Variants in BCAS3 observed in about 807,000 individuals in gnomAD.
BCAS3 encodes the protein BCAS3 microtubule associated cell migration factor.
Under a neutral mutation model 116.1 loss-of-function variants are expected in BCAS3, and 53 were observed. The observed-to-expected ratio is 0.46, with a 90% CI of 0.37 to 0.57. The LOEUF (loss-of-function observed/expected upper bound fraction) is 0.57. BCAS3 is among the 20% of genes least tolerant of loss of function. BCAS3 has a pLI of 0.00. For missense variants in BCAS3, 917 were observed against 1,165.4 expected, an observed-to-expected ratio of 0.79 and a Z score of 3.10; for synonymous variants, 391 against 408.2, an observed-to-expected ratio of 0.96 and a Z score of 0.51.
chr17:61,089,783 C>T (rs760681016), intron 22 of BCAS3, among the ~76,000 whole-genome samples: 16 of 151,824 alleles, frequency 1.1e-4, no homozygotes, highest in African/African-American at 3.1e-4. Flanking sequence ...CCACCCACCT[C>T]GGCCTCCCAA....
chr17:60,902,712 C>T lies in BCAS3; in HGVS notation c.822+9C>T, dbSNP rs376772947. 67 of 1,583,090 alleles carry T rather than the reference C, an allele frequency of 4.2e-5. No individual in the cohort carries two copies. Among genetic ancestry groups the T allele is most frequent in the Admixed American group, 1.2e-4 (7 of 59,860 alleles). ...TCATTAGTGCTGCTAAAGTGAGTAC[C>T]TCCGAAATCTTGGAGAGTTGTGGTT... On this transcript the variant is annotated intron_variant, in intron 11 of 23. Transcript: ENST00000407086.
intron 3 of BCAS3, among the ~76,000 whole-genome samples, chr17:60,685,487 TA>T (rs1568010955): frequency 6.6e-6 from 1 of 151,592 alleles, no homozygotes; most frequent in Non-Finnish European, 1.5e-5. Context: ...TAGTCTTTGA[TA>T]TTAGATCTGA....
In BCAS3 at chr17:60,994,566, T is replaced by A. The variant is rs2063723065; in HGVS notation, c.1486+4331T>A. 1.3e-5 allele frequency among the ~76,000 whole-genome samples: 2 copies of A among 152,216 alleles called. No individual in the cohort carries two copies. Among genetic ancestry groups the A allele is most frequent in the Admixed American group, 6.5e-5 (1 of 15,286 alleles). ...TAGCTATAAATATGATCTGCCAATTTTCTGCTTAAGATCTTTGTGTCTCAC... is the reference window on the plus strand; with the variant it reads ...TAGCTATAAATATGATCTGCCAATTATCTGCTTAAGATCTTTGTGTCTCAC... On this transcript the variant is annotated intron_variant, in intron 15 of 23. Coordinates refer to ENST00000407086, the MANE Select transcript of BCAS3 (RefSeq NM_017679.5). The surrounding 1 kb of genome is among the most constrained non-coding windows in gnomAD (Gnocchi z 4.4).
At chr17:60,989,091 A>G (rs2063359594) in intron 14 of BCAS3, among the ~76,000 whole-genome samples, 2 of 152,026 alleles carry the variant, frequency 1.3e-5, no homozygotes. Flanking sequence ...TCATTCACAA[A>G]TATCTTTATT....
At chr17:60,787,700 T>A (rs189586781) in intron 6 of BCAS3, among the ~76,000 whole-genome samples, 3 of 152,072 alleles carry the variant, frequency 2.0e-5, no homozygotes, top group African/African-American at 7.2e-5. Flanking sequence ...AGAGATACTT[T>A]AGTAAAGACC....
In BCAS3 at chr17:61,161,788, T is replaced by A. The variant is rs2378816; in HGVS notation, c.2425+77224T>A. ...TGAGTTGCTGTCTGGTTGGTTGAAC[T>A]CATTCTCCTCAGCTTATATTTAACT... On this transcript the variant is annotated intron_variant, in intron 22 of 23. Transcript: ENST00000407086. The surrounding 1 kb of genome is among the most constrained non-coding windows in gnomAD (Gnocchi z 4.8). 0.66 allele frequency among the ~76,000 whole-genome samples: 99,584 copies of A among 151,910 alleles called. 36,725 individuals are homozygous for A. The highest frequency in any genetic ancestry group is 0.89 in the South Asian group (4,298 of 4,816).
chr17:60,916,212 G>A (rs2058772056), intron 12 of BCAS3, among the ~76,000 whole-genome samples: 1 of 152,144 alleles, frequency 6.6e-6, no homozygotes, highest in African/African-American at 2.4e-5. Context: ...GAAAGGAAAT[G>A]TGCAACTATT....
chr17:61,184,592 C>G (rs1032472118), intron 22 of BCAS3, among the ~76,000 whole-genome samples: 8 of 152,104 alleles, frequency 5.3e-5, no homozygotes, highest in Admixed American at 2.0e-4. Flanking sequence ...CTAATCTAAT[C>G]ATTCTATTAA....
chr17:61,039,371 G>A (rs922414458), intron 18 of BCAS3, among the ~76,000 whole-genome samples: 20 of 151,974 alleles, frequency 1.3e-4, no homozygotes, highest in Non-Finnish European at 2.8e-4. Context: ...TACTTTTTAA[G>A]CTGTTATTAA....
intron 6 of BCAS3, among the ~76,000 whole-genome samples, chr17:60,787,592 G>A (rs1487562696): frequency 6.6e-6 from 1 of 152,098 alleles, no homozygotes; most frequent in Non-Finnish European, 1.5e-5. Context: ...TATATAATGT[G>A]CACAATATGA....
At chr17:60,829,865 T>A (rs1260804844) in intron 7 of BCAS3, among the ~76,000 whole-genome samples, 2 of 152,198 alleles carry the variant, frequency 1.3e-5, no homozygotes, top group African/African-American at 4.8e-5. Flanking sequence ...CTTATGAGAT[T>A]GCCTTAAATA....
At position 60,729,673 on chromosome 17, in the gene BCAS3, A is replaced by G. The variant is rs146072362; in HGVS notation, c.322-17525A>G. On this transcript the variant is annotated intron_variant, in intron 5 of 23. Coordinates refer to ENST00000407086, the MANE Select transcript of BCAS3 (RefSeq NM_017679.5). ...CTATCTTCTTTAATCAATGGGTTAA[A>G]TCAAGATAGGTTTACAATACCATTA... 9.0e-3 allele frequency among the ~76,000 whole-genome samples: 1,365 copies of G among 152,346 alleles called. 13 individuals are homozygous for G. Among genetic ancestry groups the G allele is most frequent in the Non-Finnish European group, 0.015 (1,025 of 68,036 alleles).
At position 61,140,752 on chromosome 17, in the gene BCAS3, T is replaced by C. The variant is rs1369110531; in HGVS notation, c.2425+56188T>C. On this transcript the variant is annotated intron_variant, in intron 22 of 23. Transcript: ENST00000407086. This position sits in a 1 kb window ranked among gnomAD's most constrained non-coding sequence, Gnocchi z 4.2. ...AATAAATATATATTTACATAGTTTA[T>C]AGTTGTTACATAAAACTTTCATGTT... Among the ~76,000 whole-genome samples, 1 of 152,244 alleles carries C rather than the reference T, an allele frequency of 6.6e-6. No individual in the cohort carries two copies. Among genetic ancestry groups the C allele is most frequent in the Admixed American group, 6.5e-5 (1 of 15,284 alleles).
At chr17:61,168,750 T>C (rs1273739800) in intron 22 of BCAS3, among the ~76,000 whole-genome samples, 1 of 152,246 alleles carries the variant, frequency 6.6e-6, no homozygotes, top group Non-Finnish European at 1.5e-5. Context: ...CATTAACTTC[T>C]TCTGAAGGCT....
rs2069379745 is a variant in BCAS3, at chr17:61,056,313, C to CT, written c.2029+15422dup. On this transcript the variant is annotated intron_variant, in intron 19 of 23. Coordinates refer to ENST00000407086, the MANE Select transcript of BCAS3 (RefSeq NM_017679.5). This position sits in a 1 kb window ranked among gnomAD's most constrained non-coding sequence, Gnocchi z 4.9. Reference sequence around the variant, plus strand: ...GAGTTGGAGTCTTGACCACCAGTAACTAACTGTGTGGCCTTAGTACAGTGC... The same window carrying CT: ...GAGTTGGAGTCTTGACCACCAGTAACTTAACTGTGTGGCCTTAGTACAGTGC... 6.6e-6 allele frequency among the ~76,000 whole-genome samples: 1 copy of CT among 152,148 alleles called. No homozygotes were observed. The highest frequency in any genetic ancestry group is 2.1e-4 in the South Asian group (1 of 4,830).
Position 60,924,622 on chromosome 17 carries a change from GTTA to G in BCAS3, c.1087+126_1087+128del, listed in dbSNP as rs372815411. 7.4e-3 allele frequency: 4,631 copies of G among 629,852 alleles called. 28 individuals are homozygous for G. The highest frequency in any genetic ancestry group is 0.012 in the South Asian group (412 of 34,638). 39.0% of individuals were successfully genotyped at this position (629,852 alleles called of 1,614,324 possible). A position where few individuals can be genotyped will look rare whatever the true frequency, so the allele number is the denominator to read the frequency against. On this transcript the variant is annotated intron_variant, in intron 13 of 23. Transcript: ENST00000407086. ...TCATGTATCAGTATATATCAGAAAA[GTTA>G]TTAAGTCATTATATTGAATAAAGGA...
At chr17:60,771,133 G>A (rs2044662745) in intron 6 of BCAS3, among the ~76,000 whole-genome samples, 1 of 151,944 alleles carries the variant, frequency 6.6e-6, no homozygotes, top group Admixed American at 6.6e-5. Context: ...GTATTTGAAA[G>A]CTCACCTTAC....
chr17:61,103,777 A>G (rs1201585789), intron 22 of BCAS3, among the ~76,000 whole-genome samples: 3 of 152,048 alleles, frequency 2.0e-5, no homozygotes, highest in Non-Finnish European at 4.4e-5. Context: ...ATCCTGTTTC[A>G]TCTCTATAAG....
chr17:60,984,869 G>A (rs1001558794), intron 14 of BCAS3, among the ~76,000 whole-genome samples: 15 of 151,782 alleles, frequency 9.9e-5, no homozygotes, highest in Non-Finnish European at 2.1e-4. Flanking sequence ...AATTAGATGG[G>A]CGTGGTGGTG....
Sources: allele counts gnomAD v4.1 joint callset (sites outside exome capture counted in the v4.1 genomes callset), GRCh38; gene constraint gnomAD v4.1.1; non-coding constraint Gnocchi (gnomAD v3.1); transcripts MANE v1.5; gene names NCBI Gene and HGNC (gene_info 2026-07-23, HGNC 2026-07-21).